SGSM2: variants seen among roughly 807,000 people sequenced by gnomAD.
The protein encoded by SGSM2 is RUN and TBC1 domain containing 1.
SGSM2 carries 89 observed loss-of-function variants against 126.6 expected under a neutral mutation model. The ratio of observed to expected loss-of-function variants is 0.70; its 90% CI spans 0.59 to 0.84. SGSM2 has a LOEUF of 0.84. Ranked by LOEUF, SGSM2 falls within the 40% of genes least tolerant of loss-of-function variation. SGSM2 has a pLI of 0.00. For synonymous variants in SGSM2, 614 were observed against 574.3 expected (o/e 1.07, Z -0.99); for missense variants, 1,404 against 1,416.6 (o/e 0.99, Z 0.14).
intron 1 of SGSM2, among the ~76,000 whole-genome samples, chr17:2,340,879 TG>T (rs1217355196): frequency 6.6e-6 from 1 of 151,936 alleles, no homozygotes; most frequent in Non-Finnish European, 1.5e-5. Flanking sequence ...CCACCACGCC[TG>T]GCCCAGTGTT....
chr17:2,346,506 C>T (rs2064602866), intron 2 of SGSM2, among the ~76,000 whole-genome samples: 1 of 152,214 alleles, frequency 6.6e-6, no homozygotes. Flanking sequence ...GATCCCCATT[C>T]CTGTTACCCA....
chr17:2,343,130 C>T (rs2064451300), intron 1 of SGSM2, among the ~76,000 whole-genome samples: 1 of 152,142 alleles, frequency 6.6e-6, no homozygotes, highest in Non-Finnish European at 1.5e-5. Flanking sequence ...TACCCCTAAC[C>T]TTGGAGAATA....
At chr17:2,368,512 C>G (rs1031707462) in intron 12 of SGSM2, among the ~76,000 whole-genome samples, 1 of 152,196 alleles carries the variant, frequency 6.6e-6, no homozygotes, top group African/African-American at 2.4e-5. Context: ...AAAGTTCTGC[C>G]GGGAAGCCCA....
intron 1 of SGSM2, among the ~76,000 whole-genome samples, chr17:2,339,333 G>A (rs2064241848): frequency 6.6e-6 from 1 of 152,124 alleles, no homozygotes; most frequent in African/African-American, 2.4e-5. Context: ...CTACTCGGGA[G>A]GCTGTGGCAG....
At chr17:2,373,823 G>C (rs2066000117) in intron 17 of SGSM2, 1 of 351,274 alleles carries the variant, frequency 2.8e-6, no homozygotes, top group Non-Finnish European at 5.3e-6. Flanking sequence ...GCTAGCAACA[G>C]GCAGCGCTGG....
At position 2,362,483 on chromosome 17, in the gene SGSM2, C is replaced by T. The variant is rs113615109; in HGVS notation, c.458+213C>T. ...TTCCCCAAAAACTGCAGGTGACCGC[C>T]CCGTTCCCCAAAAACTGCAGGTGAC... On this transcript the variant is annotated intron_variant, in intron 4 of 23. Coordinates refer to ENST00000268989, the MANE Select transcript of SGSM2 (RefSeq NM_014853.3). This position sits in a 1 kb window ranked among gnomAD's most constrained non-coding sequence, Gnocchi z 4.9. Among the ~76,000 whole-genome samples, 1 of 149,822 alleles carries T rather than the reference C, an allele frequency of 6.7e-6. No homozygotes were observed. Among genetic ancestry groups the T allele is most frequent in the Non-Finnish European group, 1.5e-5 (1 of 67,404 alleles).
intron 2 of SGSM2, among the ~76,000 whole-genome samples, chr17:2,358,255 CCGTCCCGTGTCTGTGAGACA>C (rs1436736778): frequency 6.6e-6 from 1 of 152,208 alleles, no homozygotes; most frequent in Non-Finnish European, 1.5e-5. Context: ...GGGTCCTTCA[CCGTCCCGTGTCTGTGAGACA>C]CGTCCCCGGG....
At chr17:2,345,362 G>T (rs1368565561) in intron 2 of SGSM2, among the ~76,000 whole-genome samples, 2 of 150,444 alleles carry the variant, frequency 1.3e-5, no homozygotes, top group South Asian at 4.2e-4. Context: ...TTTGGGAGGT[G>T]GAGGTGGGCG....
chr17:2,376,535 T>A, intron 19 of SGSM2, 198 bp from the exon 20 acceptor site: 1 of 695,104 alleles, frequency 1.4e-6, no homozygotes, highest in Non-Finnish European at 2.4e-6. Context: ...GCCTTGGCTC[T>A]CCCTAAGTCG....
intron 8 of SGSM2, 132 bp from the exon 9 acceptor site, chr17:2,364,464 C>A: frequency 1.0e-6 from 1 of 983,550 alleles, no homozygotes; most frequent in Non-Finnish European, 1.6e-6. Flanking sequence ...TCATGGCTGG[C>A]TGTGTGCACC....
Position 2,362,141 on chromosome 17 carries a change from G to A in SGSM2, c.329G>A (p.Arg110Gln), listed in dbSNP as rs374681643. The change falls in exon 4 of 24, where the codon CGG (arginine) becomes CAG (glutamine). Residue 110 changes from arginine to glutamine, a missense_variant. Arg to Gln is a conservative substitution (Grantham distance 43). Coordinates refer to ENST00000268989, the MANE Select transcript of SGSM2 (RefSeq NM_014853.3). This position sits in a 1 kb window ranked among gnomAD's most constrained non-coding sequence, Gnocchi z 4.9. ...KPSGVSQEAL[R>Q]RQGSASGKAP... ...TCAGGGGTCAGCCAGGAGGCCCTGC[G>A]GAGACAGGGCTCAGCCAGCGGGAAG... 1.4e-4 allele frequency: 224 copies of A among 1,613,528 alleles called. No homozygotes were observed. Among genetic ancestry groups the A allele is most frequent in the Non-Finnish European group, 1.8e-4 (212 of 1,179,930 alleles).
At position 2,362,745 on chromosome 17, in the gene SGSM2, C is replaced by T; in HGVS notation, c.459-93C>T. 8.0e-7 allele frequency: 1 copy of T among 1,249,634 alleles called. No homozygotes were observed. 77.4% of individuals were successfully genotyped at this position (1,249,634 alleles called of 1,614,324 possible). A position where few individuals can be genotyped will look rare whatever the true frequency, so the allele number is the denominator to read the frequency against. On this transcript the variant is annotated intron_variant, in intron 4 of 23. Transcript: ENST00000268989. This position sits in a 1 kb window ranked among gnomAD's most constrained non-coding sequence, Gnocchi z 4.9. Reference sequence around the variant, plus strand: ...CTGTTTCTTGATGACTGATCTGAATCTGGTCTTTGTGGGGATGTCCCTACC... The same window carrying T: ...CTGTTTCTTGATGACTGATCTGAATTTGGTCTTTGTGGGGATGTCCCTACC...
rs749097000 is a variant in SGSM2 at position 2,367,281 on chromosome 17, C to T, written c.1299C>T (p.Asn433=). The change falls in exon 12 of 24, where the codon AAC becomes AAT. Residue 433 remains asparagine, a synonymous_variant. Coordinates refer to ENST00000268989, the MANE Select transcript of SGSM2 (RefSeq NM_014853.3). The surrounding 1 kb of genome is among the most constrained non-coding windows in gnomAD (Gnocchi z 4.0). ...GTTCTCTTTGAGCAGTCACTATTAA[C>T]TACCACCACCTAGCGGCCAGCCGCG... The part of the protein sequence containing the change: ...PGHRHEHITI[N]YHHLAASRAA... 77 of 1,613,238 alleles carry T rather than the reference C, an allele frequency of 4.8e-5. No individual in the cohort carries two copies. The highest frequency in any genetic ancestry group is 5.2e-5 in the Non-Finnish European group (61 of 1,179,706).
chr17:2,349,741 T>C (rs1336856589), intron 2 of SGSM2, among the ~76,000 whole-genome samples: 1 of 152,040 alleles, frequency 6.6e-6, no homozygotes, highest in East Asian at 1.9e-4. Context: ...GCTGTTATAC[T>C]GTCCCCTTTT....
chr17:2,372,030 G>T lies in SGSM2; in HGVS notation c.1578-160G>T. ...CAGCACTCTGTCCAGGTGGCAGGCA[G>T]GGACAGGGCACCCACTGACGGCTGC... On this transcript the variant is annotated intron_variant, in intron 13 of 23. Coordinates refer to ENST00000268989, the MANE Select transcript of SGSM2 (RefSeq NM_014853.3). This position sits in a 1 kb window ranked among gnomAD's most constrained non-coding sequence, Gnocchi z 6.0. 1.2e-6 allele frequency: 1 copy of T among 813,358 alleles called. No individual in the cohort carries two copies. Among genetic ancestry groups the T allele is most frequent in the Non-Finnish European group, 2.0e-6 (1 of 508,390 alleles). The allele number at this position is 813,358 out of a possible 1,614,324, so 50.4% of individuals were successfully genotyped here.
In SGSM2 at chr17:2,367,542, G is replaced by A. The variant is rs1323835158; in HGVS notation, c.1423+137G>A. 3.1e-6 allele frequency: 3 copies of A among 980,536 alleles called. No individual in the cohort carries two copies. The African/African-American group carries it at 4.9e-5, about 16-fold the overall frequency. 60.7% of individuals were successfully genotyped at this position (980,536 alleles called of 1,614,324 possible). A position where few individuals can be genotyped will look rare whatever the true frequency, so the allele number is the denominator to read the frequency against. ...CCCAGGGCAGTTCCCTTCCATCGGG[G>A]GCAGATCAGGGAGGGCAGAAGGAGG... is the stretch of plus-strand genomic sequence containing the variant. On this transcript the variant is annotated intron_variant, in intron 12 of 23. Coordinates refer to ENST00000268989, the MANE Select transcript of SGSM2 (RefSeq NM_014853.3). The surrounding 1 kb of genome is among the most constrained non-coding windows in gnomAD (Gnocchi z 4.0).
chr17:2,371,996 G>A, intron 13 of SGSM2, 194 bp from the exon 14 acceptor site: 1 of 617,946 alleles, frequency 1.6e-6, no homozygotes, highest in Non-Finnish European at 2.8e-6. Context: ...GGGCCAGGCG[G>A]GGGCCCCACA....
intron 17 of SGSM2, chr17:2,374,642 GTTCTTAATCCCCTATCCAGGAACACA>G: frequency 6.6e-6 from 1 of 152,318 alleles, no homozygotes; most frequent in East Asian, 1.9e-4. Context: ...CACGTGCTTT[GTTCTTAATCCCCTATCCAGGAACACA>G]TTCTCCCTCT....
At position 2,379,635 on chromosome 17, in the gene SGSM2, A is replaced by C. The variant is rs2066333151; in HGVS notation, c.*115A>C. Reference sequence around the variant, plus strand: ...AACCGACCCCACCTCTGTTCCTAACAAAGCGGTTGTGAGCCTGGATCCGAC... The same window carrying C: ...AACCGACCCCACCTCTGTTCCTAACCAAGCGGTTGTGAGCCTGGATCCGAC... On this transcript the variant is annotated 3_prime_UTR_variant, in exon 24 of 24. Coordinates refer to ENST00000268989, the MANE Select transcript of SGSM2 (RefSeq NM_014853.3). 6.7e-7 allele frequency: 1 copy of C among 1,486,798 alleles called. No homozygotes were observed. Among genetic ancestry groups the C allele is most frequent in the Non-Finnish European group, 9.0e-7 (1 of 1,112,038 alleles). The allele number at this position is 1,486,798 out of a possible 1,614,324, so 92.1% of individuals were successfully genotyped here. A position where few individuals can be genotyped will look rare whatever the true frequency, so the allele number is the denominator to read the frequency against.
Sources: allele counts gnomAD v4.1 joint callset (sites outside exome capture counted in the v4.1 genomes callset), GRCh38; gene constraint gnomAD v4.1.1; non-coding constraint Gnocchi (gnomAD v3.1); transcripts MANE v1.5; gene names NCBI Gene and HGNC (gene_info 2026-07-23, HGNC 2026-07-21).